EIF4G3: variants seen among roughly 807,000 people sequenced by gnomAD.
The protein encoded by EIF4G3 is eIF-4-gamma 3.
A neutral mutation model predicts 186.4 loss-of-function variants in EIF4G3; 34 were observed. The observed-to-expected ratio is 0.18, with a 90% CI of 0.14 to 0.24. The LOEUF is 0.24. EIF4G3 is among the 10% of genes least tolerant of loss of function. The probability of loss-of-function intolerance (pLI) is 1.00; values close to 1 mark genes in which losing one functional copy is unlikely to be tolerated. For missense variants in EIF4G3, 1,536 were observed against 1,948.5 expected, an observed-to-expected ratio of 0.79 and a Z score of 3.99; for synonymous variants, 673 against 679.5, an observed-to-expected ratio of 0.99 and a Z score of 0.15.
intron 14 of EIF4G3, among the ~76,000 whole-genome samples, chr1:20,906,601 C>G (rs1357937993): frequency 6.6e-6 from 1 of 151,824 alleles, no homozygotes; most frequent in African/African-American, 2.4e-5. Context: ...ATACTCAACC[C>G]CAAAACATGA....
intron 14 of EIF4G3, among the ~76,000 whole-genome samples, chr1:20,927,518 T>A (rs1338336771): frequency 6.6e-6 from 1 of 152,132 alleles, no homozygotes; most frequent in Non-Finnish European, 1.5e-5. Context: ...AGCAGAGTTG[T>A]AATAGCTGAG....
At chr1:20,863,664 G>A (rs944792353) in intron 22 of EIF4G3, among the ~76,000 whole-genome samples, 6 of 150,916 alleles carry the variant, frequency 4.0e-5, no homozygotes, top group Admixed American at 3.3e-4. Context: ...GGCTGGTCAC[G>A]AACTCCTGAC....
chr1:21,119,619 A>G (rs1285210920), intron 2 of EIF4G3, among the ~76,000 whole-genome samples: 2 of 152,214 alleles, frequency 1.3e-5, no homozygotes, highest in Non-Finnish European at 2.9e-5. Flanking sequence ...GTAATTTGAA[A>G]AAGGACAAAG....
At chr1:20,976,585 A>C (rs895135103) in intron 10 of EIF4G3, among the ~76,000 whole-genome samples, 7 of 152,174 alleles carry the variant, frequency 4.6e-5, no homozygotes, top group Admixed American at 2.6e-4. Flanking sequence ...CAATATTTAG[A>C]TTTCTTCTCA....
intron 2 of EIF4G3, among the ~76,000 whole-genome samples, chr1:21,160,351 T>C (rs567942080): frequency 6.6e-6 from 1 of 152,018 alleles, no homozygotes; most frequent in Non-Finnish European, 1.5e-5. Context: ...AAGAGTGAAA[T>C]AGAAAGTCAC....
intron 14 of EIF4G3, among the ~76,000 whole-genome samples, chr1:20,922,788 T>C (rs2094573227): frequency 6.6e-6 from 1 of 152,130 alleles, no homozygotes; most frequent in African/African-American, 2.4e-5. Flanking sequence ...AAGCTAAGAA[T>C]AATTATTAGG....
At chr1:21,112,592 A>G (rs1342459748) in intron 2 of EIF4G3, among the ~76,000 whole-genome samples, 1 of 152,128 alleles carries the variant, frequency 6.6e-6, no homozygotes, top group Admixed American at 6.6e-5. Context: ...ATGTGAAGTC[A>G]ATGTTACTTT....
At chr1:21,114,078 T>C (rs1303014694) in intron 2 of EIF4G3, among the ~76,000 whole-genome samples, 2 of 152,322 alleles carry the variant, frequency 1.3e-5, no homozygotes, top group Non-Finnish European at 1.5e-5. Context: ...CTATTAAGTA[T>C]TGGAAAGTTG....
At chr1:21,008,090 G>A (rs1419182928) in intron 4 of EIF4G3, among the ~76,000 whole-genome samples, 1 of 152,184 alleles carries the variant, frequency 6.6e-6, no homozygotes, top group Non-Finnish European at 1.5e-5. Context: ...GTAGTGAGCT[G>A]TAATTGTGCC....
At chr1:20,909,011 G>A (rs983605529) in intron 14 of EIF4G3, among the ~76,000 whole-genome samples, 1 of 152,172 alleles carries the variant, frequency 6.6e-6, no homozygotes, top group East Asian at 1.9e-4. Flanking sequence ...AATTAGCCAG[G>A]CATGGTGGCA....
chr1:20,808,876 T>C (rs1483233756), intron 36 of EIF4G3, among the ~76,000 whole-genome samples: 1 of 152,194 alleles, frequency 6.6e-6, no homozygotes. Flanking sequence ...TATTAGCTTA[T>C]AGTTATTATA....
chr1:20,963,545 T>C (rs1227227672), intron 12 of EIF4G3, among the ~76,000 whole-genome samples: 1 of 152,078 alleles, frequency 6.6e-6, no homozygotes, highest in South Asian at 2.1e-4. Flanking sequence ...CAAAGCCCCA[T>C]AGCATAGGAC....
intron 33 of EIF4G3, among the ~76,000 whole-genome samples, chr1:20,823,571 C>G (rs765364842): frequency 2.6e-5 from 4 of 151,968 alleles, no homozygotes; most frequent in Admixed American, 6.6e-5. Context: ...AGACAGGTCT[C>G]ACTATGTTGT....
At chr1:20,973,580 G>C (rs2076298511) in intron 10 of EIF4G3, among the ~76,000 whole-genome samples, 1 of 152,088 alleles carries the variant, frequency 6.6e-6, no homozygotes, top group East Asian at 1.9e-4. Flanking sequence ...GCCATAGGGA[G>C]GTACATAAAG....
intron 35 of EIF4G3, 100 bp downstream of exon 35, chr1:20,813,058 G>A (rs2059587255): frequency 5.0e-6 from 4 of 797,816 alleles, no homozygotes; most frequent in Non-Finnish European, 8.3e-6. Context: ...GAGCTACATA[G>A]GAGAAGTTTT....
At chr1:20,910,838 A>G (rs1412808322) in intron 14 of EIF4G3, among the ~76,000 whole-genome samples, 1 of 152,234 alleles carries the variant, frequency 6.6e-6, no homozygotes, top group Non-Finnish European at 1.5e-5. Context: ...CCTACACTTC[A>G]TTTATAATCA....
intron 28 of EIF4G3, among the ~76,000 whole-genome samples, chr1:20,850,385 C>A (rs2072905734): frequency 6.6e-6 from 1 of 152,208 alleles, no homozygotes; most frequent in Non-Finnish European, 1.5e-5. Flanking sequence ...GCTGTATTAT[C>A]TAAAGTTACA....
At chr1:21,042,240 A>G (rs2093626580) in intron 4 of EIF4G3, among the ~76,000 whole-genome samples, 1 of 152,192 alleles carries the variant, frequency 6.6e-6, no homozygotes, top group Non-Finnish European at 1.5e-5. Flanking sequence ...AGCCTCCCAA[A>G]GTGCTGGGAT....
At chr1:21,158,169 C>A (rs1270605689) in intron 2 of EIF4G3, among the ~76,000 whole-genome samples, 1 of 99,514 alleles carries the variant, frequency 1.0e-5, no homozygotes, top group East Asian at 2.7e-4. Context: ...AAATACATAG[C>A]TTTTTTTTTT....
Sources: allele counts gnomAD v4.1 joint callset (sites outside exome capture counted in the v4.1 genomes callset), GRCh38; gene constraint gnomAD v4.1.1; transcripts MANE v1.5; gene names NCBI Gene and HGNC (gene_info 2026-07-23, HGNC 2026-07-21).